Variants in RALGAPA2 observed in about 807,000 individuals in gnomAD.
RALGAPA2 encodes the protein Ral GTPase activating protein catalytic subunit alpha 2.
Under a neutral mutation model 230.4 loss-of-function variants are expected in RALGAPA2, and 139 were observed. That is an observed-to-expected ratio of 0.60 (90% CI 0.53 to 0.69). The LOEUF (loss-of-function observed/expected upper bound fraction) is 0.69, where lower values mean the gene tolerates loss of function less well. Ranked by LOEUF, RALGAPA2 falls within the 30% of genes least tolerant of loss-of-function variation. The pLI is 0.00. For synonymous variants in RALGAPA2, 847 were observed against 837.8 expected, an observed-to-expected ratio of 1.01 and a Z score of -0.19; for missense variants, 2,163 against 2,276.0, an observed-to-expected ratio of 0.95 and a Z score of 1.01.
chr20:20,660,907 G>A (rs1284045103), intron 3 of RALGAPA2, among the ~76,000 whole-genome samples: 1 of 152,036 alleles, frequency 6.6e-6, no homozygotes, highest in South Asian at 2.1e-4. Flanking sequence ...CCTGTGTGCT[G>A]TACAGTTGAT....
intron 37 of RALGAPA2, among the ~76,000 whole-genome samples, chr20:20,435,637 G>A (rs114594221): frequency 1.7e-4 from 26 of 152,336 alleles, no homozygotes; most frequent in South Asian, 1.7e-3. Context: ...GAGCATGTGC[G>A]TCTCTCCACT....
intron 23 of RALGAPA2, among the ~76,000 whole-genome samples, chr20:20,548,227 T>C (rs2145727906): frequency 6.6e-6 from 1 of 152,296 alleles, no homozygotes; most frequent in East Asian, 1.9e-4. Context: ...TTTAATTCTA[T>C]CAGTATCACA....
Position 20,512,672 on chromosome 20 carries a change from C to T in RALGAPA2, c.4697G>A (p.Arg1566His), listed in dbSNP as rs778982377. The change falls in exon 32 of 40, where the codon CGC becomes CAC. Residue 1566 changes from arginine to histidine, a missense_variant. Arg to His is a conservative substitution (Grantham distance 29). Transcript: ENST00000202677. Reference sequence around the variant, plus strand: ...ATACTCATCCTCTTGAGCATTTTGGCGCAAAATGACCTCAATGATTTCCTT... The same window carrying T: ...ATACTCATCCTCTTGAGCATTTTGGTGCAAAATGACCTCAATGATTTCCTT... ...QEKEIIEVIL[R>H]QNAQEDEYIQ... 2.0e-5 allele frequency: 32 copies of T among 1,613,820 alleles called. No homozygotes were observed. Among genetic ancestry groups the T allele is most frequent in the Non-Finnish European group, 2.3e-5 (27 of 1,179,882 alleles).
At chr20:20,613,718 G>A (rs538931122) in intron 13 of RALGAPA2, among the ~76,000 whole-genome samples, 1 of 152,164 alleles carries the variant, frequency 6.6e-6, no homozygotes, top group African/African-American at 2.4e-5. Flanking sequence ...TCTCCCATCA[G>A]GGCTTTTGTA....
At position 20,572,865 on chromosome 20, in the gene RALGAPA2, C is replaced by A. The variant is rs1275366222; in HGVS notation, c.2901+10G>T. 6.7e-7 allele frequency: 1 copy of A among 1,498,196 alleles called. No individual in the cohort carries two copies. Among genetic ancestry groups the A allele is most frequent in the Non-Finnish European group, 9.0e-7 (1 of 1,111,788 alleles). 92.8% of individuals were successfully genotyped at this position (1,498,196 alleles called of 1,614,324 possible). A position where few individuals can be genotyped will look rare whatever the true frequency, so the allele number is the denominator to read the frequency against. ...TGGATTAGAATAAAAAGTAACATAG[C>A]AGAACTTACCTTTGCTAGTTTGTAC... On this transcript the variant is annotated intron_variant, in intron 21 of 39. Transcript: ENST00000202677.
At chr20:20,444,816 C>T (rs900848477) in intron 37 of RALGAPA2, among the ~76,000 whole-genome samples, 2 of 152,218 alleles carry the variant, frequency 1.3e-5, no homozygotes. Flanking sequence ...TTGTTACCTG[C>T]AGTCAAGCAA....
intron 4 of RALGAPA2, among the ~76,000 whole-genome samples, chr20:20,651,840 A>T (rs1376927504): frequency 1.3e-5 from 2 of 152,254 alleles, no homozygotes; most frequent in East Asian, 3.8e-4. Context: ...AAAATACTGC[A>T]TGCAGTTATT....
At chr20:20,659,845 A>C in intron 3 of RALGAPA2, 1 of 676,738 alleles carries the variant, frequency 1.5e-6, no homozygotes. Context: ...GAGGAAAGCT[A>C]TTGTCCCTGG....
At chr20:20,671,638 T>C (rs1362595313) in intron 3 of RALGAPA2, among the ~76,000 whole-genome samples, 1 of 152,216 alleles carries the variant, frequency 6.6e-6, no homozygotes, top group Admixed American at 6.5e-5. Context: ...ATATTTACCA[T>C]GCAAAATGAA....
chr20:20,399,476 G>C (rs2059787921), intron 38 of RALGAPA2, among the ~76,000 whole-genome samples: 1 of 152,188 alleles, frequency 6.6e-6, no homozygotes, highest in East Asian at 1.9e-4. Context: ...AGTTGAGTGA[G>C]ACTCCTCGGG....
intron 1 of RALGAPA2, among the ~76,000 whole-genome samples, chr20:20,699,131 A>AAGT (rs2069239774): frequency 1.3e-5 from 2 of 149,088 alleles, no homozygotes; most frequent in Non-Finnish European, 3.0e-5. Context: ...GGTTAATTAC[A>AAGT]CGTTTTTTAT....
chr20:20,619,434 A>G lies in RALGAPA2; in HGVS notation c.1402-20T>C. ...TGAGGCCTTCAGAAGATAATGATCC[A>G]TTAACAGAGTGGAAGATGCACGTGT... is the stretch of plus-strand genomic sequence containing the variant. On this transcript the variant is annotated intron_variant, in intron 11 of 39. Coordinates refer to ENST00000202677, the MANE Select transcript of RALGAPA2 (RefSeq NM_020343.4). 1 of 1,534,214 alleles carries G rather than the reference A, an allele frequency of 6.5e-7. No homozygotes were observed. Among genetic ancestry groups the G allele is most frequent in the Non-Finnish European group, 8.8e-7 (1 of 1,135,284 alleles).
intron 37 of RALGAPA2, among the ~76,000 whole-genome samples, chr20:20,444,792 C>A (rs751748625): frequency 6.6e-6 from 1 of 152,194 alleles, no homozygotes; most frequent in Non-Finnish European, 1.5e-5. Context: ...TCCGTGACTT[C>A]CTTTTCCATA....
At chr20:20,524,336 A>C in intron 30 of RALGAPA2, 70 bp downstream of exon 30, 1 of 1,564,000 alleles carries the variant, frequency 6.4e-7, no homozygotes, top group Non-Finnish European at 8.8e-7. Flanking sequence ...TACATGCATA[A>C]GACATATTTT....
chr20:20,423,126 A>G (rs1341894846), intron 37 of RALGAPA2, among the ~76,000 whole-genome samples: 1 of 152,156 alleles, frequency 6.6e-6, no homozygotes, highest in Non-Finnish European at 1.5e-5. Flanking sequence ...TAAGAGATGG[A>G]GATGGATTCT....
intron 36 of RALGAPA2, among the ~76,000 whole-genome samples, chr20:20,489,034 G>A (rs1410359493): frequency 6.6e-6 from 1 of 152,206 alleles, no homozygotes; most frequent in Admixed American, 6.5e-5. Flanking sequence ...TGAAAGGCCA[G>A]GGGAAGGGTG....
In RALGAPA2 at chr20:20,712,575, G is replaced by A. The variant is rs2069933658; in HGVS notation, c.-95C>T. On this transcript the variant is annotated 5_prime_UTR_variant, in exon 1 of 40. Transcript: ENST00000202677. The surrounding 1 kb of genome is among the most constrained non-coding windows in gnomAD (Gnocchi z 5.5). ...GGTCGAGGCCGGCGCGTGTCGCGCG[G>A]GCCACTCGCCGCCCCCAGCCCCGCT... 20 of 1,280,720 alleles carry A rather than the reference G, an allele frequency of 1.6e-5. No individual in the cohort carries two copies. The highest frequency in any genetic ancestry group is 2.0e-5 in the Non-Finnish European group (20 of 1,012,686). The allele number at this position is 1,280,720 out of a possible 1,614,324, so 79.3% of individuals were successfully genotyped here.
At chr20:20,526,959 G>A (rs60434276) in intron 27 of RALGAPA2, among the ~76,000 whole-genome samples, 4,534 of 152,214 alleles carry the variant, frequency 0.03, 226 homozygotes, top group African/African-American at 0.1. Context: ...TGAGGCTGGC[G>A]TGCATCTCAA....
At chr20:20,553,999 T>TA (rs1390802356) in intron 23 of RALGAPA2, among the ~76,000 whole-genome samples, 3 of 152,196 alleles carry the variant, frequency 2.0e-5, no homozygotes, top group Non-Finnish European at 4.4e-5. Context: ...AGCTTCAAGA[T>TA]ATATATTCAT....
Sources: allele counts gnomAD v4.1 joint callset (sites outside exome capture counted in the v4.1 genomes callset), GRCh38; gene constraint gnomAD v4.1.1; non-coding constraint Gnocchi (gnomAD v3.1); transcripts MANE v1.5; gene names NCBI Gene and HGNC (gene_info 2026-07-23, HGNC 2026-07-21).